SLC6A14: variants seen among roughly 807,000 people sequenced by gnomAD.
SLC6A14 encodes the protein solute carrier family 6 member 14.
In SLC6A14, 21 loss-of-function variants were observed where a neutral mutation model predicts 51.4. The ratio of observed to expected loss-of-function variants is 0.41; its 90% CI spans 0.29 to 0.59. SLC6A14 has a LOEUF of 0.59. Ranked by LOEUF, SLC6A14 falls within the 20% of genes least tolerant of loss-of-function variation. The probability of loss-of-function intolerance (pLI) is 0.31; values close to 1 mark genes in which losing one functional copy is unlikely to be tolerated. For synonymous variants in SLC6A14, 177 were observed against 160.7 expected (o/e 1.10, Z -0.77); for missense variants, 371 against 472.8 (o/e 0.78, Z 2.00).
At chrX:116,444,832 G>A (rs1281082358) in intron 5 of SLC6A14, 86 bp from the exon 6 acceptor site, 128 of 982,632 alleles carry the variant, frequency 1.3e-4, no homozygotes, top group Non-Finnish European at 1.8e-4. Context: ...ATGAAGCTTC[G>A]ACCTGGATAA....
intron 7 of SLC6A14, among the ~76,000 whole-genome samples, chrX:116,450,595 A>G: frequency 8.9e-6 from 1 of 112,048 alleles, no homozygotes; most frequent in South Asian, 3.7e-4. Context: ...CTAAATGTCC[A>G]TCAACAGGAG....
At position 116,457,703 on chromosome X, in the gene SLC6A14, T is replaced by A. The variant is rs1569539796; in HGVS notation, c.1709T>A (p.Ile570Asn). 2.5e-6 allele frequency: 3 copies of A among 1,202,571 alleles called. No individual in the cohort carries two copies. The highest frequency in any genetic ancestry group is 3.4e-6 in the Non-Finnish European group (3 of 887,181). The change falls in exon 13 of 14, where the codon ATT (isoleucine) becomes AAT (asparagine). Residue 570 changes from isoleucine to asparagine, a missense_variant. Coordinates refer to ENST00000598581, the MANE Select transcript of SLC6A14 (RefSeq NM_007231.5). ...DWGVALGWCM[I>N]VFCIIWIPIM... Reference sequence around the variant, plus strand: ...GGAGTTGCTTTAGGCTGGTGTATGATTGTTTTCTGCATTATTTGGATTCCA... The same window carrying A: ...GGAGTTGCTTTAGGCTGGTGTATGAATGTTTTCTGCATTATTTGGATTCCA...
intron 7 of SLC6A14, among the ~76,000 whole-genome samples, chrX:116,450,901 T>C (rs1205189563): frequency 8.9e-6 from 1 of 112,155 alleles, no homozygotes; most frequent in Non-Finnish European, 1.9e-5. Context: ...ATTTCACCAC[T>C]GCACTCCAGC....
At chrX:116,451,762 G>A in intron 8 of SLC6A14, 92 bp downstream of exon 8, 2 of 505,752 alleles carry the variant, frequency 4.0e-6, no homozygotes, top group South Asian at 4.6e-5. Context: ...ACTTGACACA[G>A]TCATGATTTA....
chrX:116,457,849 G>C, intron 13 of SLC6A14, 73 bp downstream of exon 13: 1 of 771,944 alleles, frequency 1.3e-6, no homozygotes. Flanking sequence ...TTACTCACAT[G>C]GTAGTAATAT....
intron 9 of SLC6A14, 21 bp from the exon 10 acceptor site, chrX:116,454,303 G>A (rs1556694598): frequency 3.1e-6 from 3 of 978,340 alleles, no homozygotes; most frequent in South Asian, 3.9e-5. Context: ...CATATAACAT[G>A]TCATTTCTCC....
At chrX:116,454,556 G>T in intron 10 of SLC6A14, 114 bp downstream of exon 10, 1 of 469,384 alleles carries the variant, frequency 2.1e-6, no homozygotes. Flanking sequence ...GGTCTGACTT[G>T]GATCAAGGTT....
rs1569539641 is a variant in SLC6A14, at chrX:116,444,932, A to G, written c.671A>G (p.Gln224Arg). 8.3e-7 allele frequency: 1 copy of G among 1,210,549 alleles called. No homozygotes were observed. The highest frequency in any genetic ancestry group is 1.7e-5 in the African/African-American group (1 of 57,858). Reference sequence around the variant, plus strand: ...ATGTGTTTCAGTAAAGTGGCGCTCCAACGGTCAAGTGGAATGAATGAGACT... The same window carrying G: ...ATGTGTTTCAGTAAAGTGGCGCTCCGACGGTCAAGTGGAATGAATGAGACT... ...SEQYWNKVAL[Q>R]RSSGMNETGV... Residue 224 changes from glutamine to arginine, a missense_variant, in exon 6 of 14, where the codon CAA (glutamine) becomes CGA (arginine). Gln to Arg is a conservative substitution (Grantham distance 43). This residue lies in a region of SLC6A14 where 277 missense variants were observed against 391.8 expected (regional missense o/e 0.71). Transcript: ENST00000598581.
Position 116,436,612 on chromosome X carries a change from C to A in SLC6A14, c.-98C>A. On this transcript the variant is annotated 5_prime_UTR_variant, in exon 1 of 14. Coordinates refer to ENST00000598581, the MANE Select transcript of SLC6A14 (RefSeq NM_007231.5). Reference sequence around the variant, plus strand: ...TCCCACCCCTGGGCAAGGTGGCTCACTCTGGCAGGTAGGAACAGGGGAGAG... The same window carrying A: ...TCCCACCCCTGGGCAAGGTGGCTCAATCTGGCAGGTAGGAACAGGGGAGAG... The A allele has an allele frequency of 1.1e-6, 1 of 932,744 alleles. No homozygotes were observed. The highest frequency in any genetic ancestry group is 1.5e-6 in the Non-Finnish European group (1 of 684,752). 76.9% of individuals were successfully genotyped at this position (932,744 alleles called of 1,213,427 possible).
At chrX:116,447,130 CTG>C (rs1927730788) in intron 7 of SLC6A14, among the ~76,000 whole-genome samples, 1 of 111,110 alleles carries the variant, frequency 9.0e-6, no homozygotes, top group Non-Finnish European at 1.9e-5. Flanking sequence ...TTCATATAAA[CTG>C]AATCTATTTG....
At chrX:116,442,212 A>T (rs1927612194) in intron 3 of SLC6A14, among the ~76,000 whole-genome samples, 1 of 112,024 alleles carries the variant, frequency 8.9e-6, no homozygotes, top group African/African-American at 3.2e-5. Flanking sequence ...AAAATTACTC[A>T]GACAGCATTA....
intron 3 of SLC6A14, among the ~76,000 whole-genome samples, chrX:116,441,423 T>C (rs1927596111): frequency 8.9e-6 from 1 of 112,357 alleles, no homozygotes; most frequent in Non-Finnish European, 1.9e-5. Flanking sequence ...CATGCTCTAA[T>C]TTAAAGGCCC....
intron 8 of SLC6A14, among the ~76,000 whole-genome samples, 157 bp downstream of exon 8, chrX:116,451,827 TATA>T (rs1927830289): frequency 8.9e-6 from 1 of 112,190 alleles, no homozygotes; most frequent in East Asian, 2.8e-4. Flanking sequence ...GCTGTAACAA[TATA>T]ATAATTCTTA....
Position 116,436,776 on chromosome X carries a change from CG to C in SLC6A14, c.48+22del. The stretch of plus-strand genomic sequence containing the variant: ...GAAGGAGGTAGGGGTCTGGGAGCTG[CG>C]GGAGGTGTGGAGGACCTGAGAGTGG... On this transcript the variant is annotated intron_variant, in intron 1 of 13. Transcript: ENST00000598581. The C allele has an allele frequency of 8.6e-7, 1 of 1,159,405 alleles. No individual in the cohort carries two copies. The highest frequency in any genetic ancestry group is 3.3e-5 in the East Asian group (1 of 30,658).
At chrX:116,457,542 A>C in intron 12 of SLC6A14, 67 bp from the exon 13 acceptor site, 1 of 867,583 alleles carries the variant, frequency 1.2e-6, no homozygotes, top group East Asian at 3.2e-5. Flanking sequence ...AACAGAATCA[A>C]ATTGCTAATC....
At position 116,443,730 on chromosome X, in the gene SLC6A14, C is replaced by A. The variant is rs781833524; in HGVS notation, c.596C>A (p.Thr199Asn). The change falls in exon 5 of 14, where the codon ACC (threonine) becomes AAC (asparagine). Residue 199 changes from threonine (T) to asparagine (N), a missense_variant. Around this residue, in one of 2 missense-constraint regions of SLC6A14, gnomAD observed 277 missense variants for 391.8 expected, o/e 0.71. Transcript: ENST00000598581. The part of the protein sequence containing the change: ...NKSWVDINNF[T>N]CINGSEIYQP... ...AGCTGGGTAGACATCAACAATTTTA[C>A]CTGCATCAACGGCAGTGAAATTTAT... The A allele has an allele frequency of 1.7e-6, 2 of 1,206,225 alleles. No homozygotes were observed. Among genetic ancestry groups the A allele is most frequent in the South Asian group, 3.5e-5 (2 of 56,448 alleles).
rs201550225 is a variant in SLC6A14, at chrX:116,442,814, G to A, written c.474G>A (p.Ser158=). ...QSELPWKNCS[S]WSDKNCSRSP... ...AACTACCATGGAAAAATTGTTCTTC[G>A]TGGTCAGATAAAAACTGTAGCAGAT... The change falls in exon 4 of 14, where the codon TCG becomes TCA. Residue 158 remains serine (S), a synonymous_variant. Transcript: ENST00000598581. The A allele has an allele frequency of 2.9e-5, 34 of 1,188,984 alleles. No individual in the cohort carries two copies. Among genetic ancestry groups the A allele is most frequent in the Middle Eastern group, 4.8e-4 (2 of 4,177 alleles).
At chrX:116,442,358 A>G (rs1927616016) in intron 3 of SLC6A14, among the ~76,000 whole-genome samples, 1 of 111,474 alleles carries the variant, frequency 9.0e-6, no homozygotes, top group Admixed American at 9.5e-5. Flanking sequence ...TCCGCCTCCC[A>G]AGGTCAAGCA....
At chrX:116,446,010 G>A (rs530883133) in intron 6 of SLC6A14, among the ~76,000 whole-genome samples, 3 of 106,994 alleles carry the variant, frequency 2.8e-5, no homozygotes, top group African/African-American at 1.0e-4. Flanking sequence ...AATATTGAAA[G>A]AGTCCATTAA....
Sources: allele counts gnomAD v4.1 joint callset (sites outside exome capture counted in the v4.1 genomes callset), GRCh38; gene constraint gnomAD v4.1.1; regional missense constraint gnomAD v4.1.1; transcripts MANE v1.5; gene names NCBI Gene and HGNC (gene_info 2026-07-23, HGNC 2026-07-21).